ROBO2: variants seen among roughly 807,000 people sequenced by gnomAD.
The protein encoded by ROBO2 is roundabout guidance receptor 2.
A neutral mutation model predicts 160.8 loss-of-function variants in ROBO2; 53 were observed. That is an observed-to-expected ratio of 0.33 (90% CI 0.26 to 0.41). The LOEUF is 0.41. Among genes scored for constraint, ROBO2 ranks in the 10% least tolerant of loss-of-function variants. ROBO2 has a pLI of 1.00. For missense variants in ROBO2, 1,577 were observed against 1,722.4 expected, an observed-to-expected ratio of 0.92 and a Z score of 1.49; for synonymous variants, 664 against 611.7, an observed-to-expected ratio of 1.09 and a Z score of -1.26.
chr3:77,188,968 T>TGTGTGTGA (rs550237793), intron 2 of ROBO2, among the ~76,000 whole-genome samples: 113 of 142,288 alleles, frequency 7.9e-4, no homozygotes, highest in Middle Eastern at 7.1e-3. Flanking sequence ...TGTGTGTGTG[T>TGTGTGTGA]GAGAGAGAGA....
rs558467002 is a variant in ROBO2 at position 77,013,253 on chromosome 3, G to T, written c.110-84761G>T. Among the ~76,000 whole-genome samples, 25 of 152,000 alleles carry T rather than the reference G, an allele frequency of 1.6e-4. No homozygotes were observed. In the South Asian group the frequency reaches 5.2e-3, roughly 32 times the overall value. ...AATGATAAGATAAATTAAATTATAG[G>T]TGCACCTTAATTTATAAGATAGATG... On this transcript the variant is annotated intron_variant, in intron 2 of 26. Coordinates refer to the ROBO2 transcript ENST00000487694.
At chr3:76,953,299 C>T (rs2079063249) in intron 2 of ROBO2, among the ~76,000 whole-genome samples, 1 of 152,148 alleles carries the variant, frequency 6.6e-6, no homozygotes, top group Non-Finnish European at 1.5e-5. Flanking sequence ...GAAAGATTTA[C>T]GTAATCTATT....
At chr3:76,241,701 C>T (rs1006005317) in intron 2 of ROBO2, among the ~76,000 whole-genome samples, 4 of 152,134 alleles carry the variant, frequency 2.6e-5, no homozygotes, top group Non-Finnish European at 4.4e-5. Context: ...AGCTCATTTT[C>T]GGATTGTTGC....
At chr3:76,718,010 C>T (rs1307263761) in intron 2 of ROBO2, among the ~76,000 whole-genome samples, 1 of 152,170 alleles carries the variant, frequency 6.6e-6, no homozygotes, top group Non-Finnish European at 1.5e-5. Flanking sequence ...AGATAAGATG[C>T]TTGTAATTCT....
intron 2 of ROBO2, among the ~76,000 whole-genome samples, chr3:77,429,787 A>G (rs928920823): frequency 6.6e-6 from 1 of 152,032 alleles, no homozygotes; most frequent in Non-Finnish European, 1.5e-5. Flanking sequence ...GATTGTGATC[A>G]GTCTGCACCC....
intron 2 of ROBO2, among the ~76,000 whole-genome samples, chr3:76,594,606 A>G (rs1247583025): frequency 6.6e-6 from 1 of 151,830 alleles, no homozygotes; most frequent in Non-Finnish European, 1.5e-5. Flanking sequence ...TACTTTGTCT[A>G]TTTGGGTGAT....
At chr3:76,771,408 CA>C in intron 2 of ROBO2, among the ~76,000 whole-genome samples, 1 of 151,338 alleles carries the variant, frequency 6.6e-6, no homozygotes, top group African/African-American at 2.4e-5. Flanking sequence ...TTATTTTGAA[CA>C]GCACCACTAT....
At chr3:77,381,438 T>A (rs374450965) in intron 2 of ROBO2, among the ~76,000 whole-genome samples, 18 of 152,174 alleles carry the variant, frequency 1.2e-4, no homozygotes, top group East Asian at 1.2e-3. Context: ...ATTTCCAGTC[T>A]CTTGAGCCTA....
At chr3:77,442,402 A>G (rs62249854) in intron 2 of ROBO2, among the ~76,000 whole-genome samples, 8,057 of 152,286 alleles carry the variant, frequency 0.053, 304 homozygotes, top group Non-Finnish European at 0.075. Flanking sequence ...GTCATTCTGT[A>G]AAACTATCCT....
intron 2 of ROBO2, among the ~76,000 whole-genome samples, chr3:76,317,947 A>G (rs2107843350): frequency 6.6e-6 from 1 of 152,102 alleles, no homozygotes; most frequent in Non-Finnish European, 1.5e-5. Flanking sequence ...TTTTTTATCC[A>G]TTGTCATTTT....
chr3:77,346,431 T>G (rs1158787177), intron 2 of ROBO2, among the ~76,000 whole-genome samples: 1 of 152,098 alleles, frequency 6.6e-6, no homozygotes, highest in African/African-American at 2.4e-5. Flanking sequence ...TATTTTAAAA[T>G]AATACTTAGC....
intron 2 of ROBO2, among the ~76,000 whole-genome samples, chr3:76,302,349 A>G (rs1709404107): frequency 6.6e-6 from 1 of 152,098 alleles, no homozygotes. Flanking sequence ...TAAATAGTAA[A>G]GTTAACTGTG....
chr3:77,283,072 C>T (rs2060348981), intron 2 of ROBO2, among the ~76,000 whole-genome samples: 1 of 151,942 alleles, frequency 6.6e-6, no homozygotes, highest in South Asian at 2.1e-4. Context: ...AATGTAACAG[C>T]TACTACATCT....
At chr3:75,938,127 G>C (rs543874452) in intron 2 of ROBO2, among the ~76,000 whole-genome samples, 1 of 151,724 alleles carries the variant, frequency 6.6e-6, no homozygotes, top group African/African-American at 2.4e-5. Context: ...TCATTCTTCC[G>C]CCAAGTGTAT....
intron 2 of ROBO2, among the ~76,000 whole-genome samples, chr3:77,341,631 T>C (rs1297678188): frequency 6.6e-6 from 1 of 152,118 alleles, no homozygotes; most frequent in Non-Finnish European, 1.5e-5. Context: ...AGGCTCTGTT[T>C]CACCAAAGAG....
At chr3:77,580,252 G>A in intron 16 of ROBO2, 134 bp downstream of exon 17, 2 of 846,082 alleles carry the variant, frequency 2.4e-6, no homozygotes, top group Admixed American at 2.0e-5. Flanking sequence ...TGACAAATGG[G>A]TTAACTGACT....
chr3:76,360,775 G>T (rs1426122361), intron 2 of ROBO2, among the ~76,000 whole-genome samples: 1 of 152,020 alleles, frequency 6.6e-6, no homozygotes, highest in Non-Finnish European at 1.5e-5. Context: ...AGAATTGGCT[G>T]GAATCTGCTT....
intron 2 of ROBO2, among the ~76,000 whole-genome samples, chr3:76,902,199 C>A (rs2075286906): frequency 6.6e-6 from 1 of 151,946 alleles, no homozygotes; most frequent in African/African-American, 2.4e-5. Flanking sequence ...TTTATACCTA[C>A]TTTTTACTTC....
chr3:77,297,118 A>C (rs780848136), intron 2 of ROBO2, among the ~76,000 whole-genome samples: 12 of 152,104 alleles, frequency 7.9e-5, no homozygotes, highest in Non-Finnish European at 1.5e-4. Context: ...TCATTAGATC[A>C]GTCTTCAATT....
Sources: gnomAD v4.1 joint callset for allele counts (sites outside exome capture counted in the v4.1 genomes callset) on GRCh38, gnomAD v4.1.1 for gene constraint, MANE v1.5 for transcripts, NCBI Gene and HGNC (gene_info 2026-07-23, HGNC 2026-07-21) for gene names.